LRRC37A2: variants seen among roughly 807,000 people sequenced by gnomAD.
LRRC37A2 encodes the protein leucine-rich repeat-containing protein 37A2.
In LRRC37A2, 9 loss-of-function variants were observed where a neutral mutation model predicts 68.8. That is an observed-to-expected ratio of 0.13 (90% CI 0.08 to 0.23). The LOEUF is 0.23. Among genes scored for constraint, LRRC37A2 ranks in the 10% least tolerant of loss-of-function variants. The probability of loss-of-function intolerance (pLI) is 1.00; values close to 1 mark genes in which losing one functional copy is unlikely to be tolerated. For missense variants in LRRC37A2, 168 were observed against 950.4 expected (o/e 0.18, Z 10.82); for synonymous variants, 63 against 367.6 (o/e 0.17, Z 9.48).
the LRRC37A2 span, chr17:46,722,221 G>A: frequency 5.7e-4 from 790 of 1,397,614 alleles, 10 homozygotes; most frequent in South Asian, 7.8e-3. Context: ...CCCAAATCTC[G>A]CGAGAGCACG....
At chr17:47,026,905 C>CTTTA in the LRRC37A2 span, among the ~76,000 whole-genome samples, 4 of 150,374 alleles carry the variant, frequency 2.7e-5, no homozygotes, top group Admixed American at 2.6e-4. Context: ...AAATGTGAGA[C>CTTTA]TTTGTTTGTT....
At chr17:46,622,497 G>A in the LRRC37A2 span, among the ~76,000 whole-genome samples, 1 of 149,252 alleles carries the variant, frequency 6.7e-6, no homozygotes, top group Non-Finnish European at 1.5e-5. Context: ...TAAATAAATG[G>A]TGTGGCTGGA....
chr17:46,876,561 C>A, the LRRC37A2 span: 2 of 1,613,530 alleles, frequency 1.2e-6, no homozygotes, highest in Non-Finnish European at 1.7e-6. Flanking sequence ...AGGGTGTGCT[C>A]CCGGGAGGCC....
the LRRC37A2 span, among the ~76,000 whole-genome samples, chr17:46,945,309 G>A: frequency 1.3e-5 from 2 of 152,190 alleles, no homozygotes; most frequent in African/African-American, 4.8e-5. Flanking sequence ...AGTTCATGCT[G>A]CTGAGATGCT....
chr17:46,773,635 G>GCCCCT, the LRRC37A2 span: 1 of 217,426 alleles, frequency 4.6e-6, no homozygotes, highest in African/African-American at 6.5e-5. Flanking sequence ...CCCCCACCCA[G>GCCCCT]CCCCTCCCCC....
the LRRC37A2 span, among the ~76,000 whole-genome samples, chr17:46,487,820 C>T: frequency 1.1e-5 from 1 of 88,268 alleles, no homozygotes; most frequent in African/African-American, 4.3e-5. Context: ...GTAGAAAGTC[C>T]CAGTTCTTAA....
At chr17:46,761,330 G>T in the LRRC37A2 span, among the ~76,000 whole-genome samples, 159 of 145,616 alleles carry the variant, frequency 1.1e-3, no homozygotes, top group Middle Eastern at 7.2e-3. Flanking sequence ...GTTTTTTTTT[G>T]TTTGTTTTTT....
the LRRC37A2 span, among the ~76,000 whole-genome samples, chr17:46,798,245 A>G: frequency 6.6e-5 from 10 of 152,308 alleles, no homozygotes; most frequent in Non-Finnish European, 1.3e-4. Context: ...CAGTATTTTT[A>G]AGTAATGGAA....
chr17:46,932,893 AGAGGATT>A, the LRRC37A2 span: 1 of 152,544 alleles, frequency 6.6e-6, no homozygotes, highest in Non-Finnish European at 1.5e-5. Flanking sequence ...GTTTTTTTAC[AGAGGATT>A]ATTTTCTAAA....
the LRRC37A2 span, among the ~76,000 whole-genome samples, chr17:46,610,099 TTCTCTCTC>T: frequency 3.1e-3 from 279 of 89,472 alleles, no homozygotes; most frequent in African/African-American, 0.012. Context: ...TTTTCTCTCT[TTCTCTCTC>T]TCTCTCTCTC....
the LRRC37A2 span, among the ~76,000 whole-genome samples, chr17:46,794,330 C>T: frequency 5.3e-5 from 8 of 152,130 alleles, no homozygotes; most frequent in South Asian, 4.1e-4. Flanking sequence ...ATCTTACTAG[C>T]GGTGAAGAGG....
At chr17:46,802,115 C>T in the LRRC37A2 span, among the ~76,000 whole-genome samples, 2 of 152,158 alleles carry the variant, frequency 1.3e-5, no homozygotes, top group Admixed American at 6.5e-5. Context: ...AGTTTCCCAG[C>T]GTACAACTCC....
chr17:46,800,300 G>A, the LRRC37A2 span, among the ~76,000 whole-genome samples: 2 of 151,954 alleles, frequency 1.3e-5, no homozygotes, highest in South Asian at 2.1e-4. Context: ...TAGTAGAGAC[G>A]GGGTTTCACC....
the LRRC37A2 span, among the ~76,000 whole-genome samples, chr17:46,972,247 C>G: frequency 6.6e-6 from 1 of 152,190 alleles, no homozygotes; most frequent in Non-Finnish European, 1.5e-5. Flanking sequence ...TCTTCCTCCT[C>G]TCTTCCCTTC....
the LRRC37A2 span, among the ~76,000 whole-genome samples, chr17:46,794,290 C>T: frequency 6.6e-6 from 1 of 152,090 alleles, no homozygotes; most frequent in Non-Finnish European, 1.5e-5. Context: ...GAAAGGAGGC[C>T]AGGGCCTGAG....
rs1260785231 is a variant in LRRC37A2 at position 46,526,426 on chromosome 17, T to C, written c.2906+2542T>C. ...GGCCCCAGCTGTGGTTGATCGATGA[T>C]GAATAGAGCCTAACCTTCCAGGCTT... is the stretch of plus-strand genomic sequence containing the variant. On this transcript the variant is annotated intron_variant, in intron 6 of 14. Coordinates refer to ENST00000576629, the Ensembl canonical transcript of LRRC37A2. 1.9e-5 allele frequency among the ~76,000 whole-genome samples: 2 copies of C among 103,034 alleles called. 1 individual carries two copies. The highest frequency in any genetic ancestry group is 4.2e-5 in the Non-Finnish European group (2 of 47,672). 67.6% of individuals were successfully genotyped at this position (103,034 alleles called of 152,430 possible).
At chr17:47,030,822 G>A in the LRRC37A2 span, among the ~76,000 whole-genome samples, 3 of 151,854 alleles carry the variant, frequency 2.0e-5, no homozygotes, top group Non-Finnish European at 4.4e-5. Flanking sequence ...ACACCATTTT[G>A]TGGTGTTTGT....
At chr17:46,807,122 G>GA in the LRRC37A2 span, among the ~76,000 whole-genome samples, 2 of 151,890 alleles carry the variant, frequency 1.3e-5, no homozygotes, top group African/African-American at 4.8e-5. Context: ...GATCATGGAG[G>GA]AAAAAAAAGA....
the LRRC37A2 span, among the ~76,000 whole-genome samples, chr17:46,636,671 G>A: frequency 8.2e-6 from 1 of 122,660 alleles, no homozygotes; most frequent in Non-Finnish European, 1.6e-5. Flanking sequence ...TCCCACCTTA[G>A]CTGTTTTTTT....
Sources: allele counts gnomAD v4.1 joint callset (sites outside exome capture counted in the v4.1 genomes callset), GRCh38; gene constraint gnomAD v4.1.1; transcripts MANE v1.5; gene names NCBI Gene and HGNC (gene_info 2026-07-23, HGNC 2026-07-21).